Variants in NEIL1 observed in about 807,000 individuals in gnomAD.
NEIL1 encodes nei like DNA glycosylase 1.
NEIL1 carries 31 observed loss-of-function variants against 44.2 expected under a neutral mutation model. That is an observed-to-expected ratio of 0.70 (90% CI 0.53 to 0.95). NEIL1 has a LOEUF of 0.95. Among genes scored for constraint, NEIL1 ranks in the 40% least tolerant of loss-of-function variants. The pLI is 0.00. For synonymous variants in NEIL1, 254 were observed against 209.7 expected, an observed-to-expected ratio of 1.21 and a Z score of -1.83; for missense variants, 549 against 515.5, an observed-to-expected ratio of 1.07 and a Z score of -0.63.
At chr15:75,348,397 C>CAAAA in intron 1 of NEIL1, 1 of 986,814 alleles carries the variant, frequency 1.0e-6, no homozygotes, top group Non-Finnish European at 1.2e-6. Context: ...GAGGGGCGGC[C>CAAAA]ACGCGATCCT....
rs994437372 is a variant in NEIL1 at position 75,352,911 on chromosome 15, G to T, written c.718+210G>T. 1.0e-4 allele frequency: 53 copies of T among 515,304 alleles called. 1 individual carries two copies. The South Asian group carries it at 1.0e-3, about 10-fold the overall frequency. The allele number at this position is 515,304 out of a possible 1,614,324, so 31.9% of individuals were successfully genotyped here. On this transcript the variant is annotated intron_variant, in intron 5 of 9. Transcript: ENST00000355059. ...TCCCAGCACTTCGGGAGGCCGAGTG[G>T]GGTGGCTCACCTGAGGTCAGGAGTT...
In NEIL1 at chr15:75,353,784, C is replaced by T; in HGVS notation, c.764C>T (p.Ala255Val). The T allele has an allele frequency of 1.2e-6, 2 of 1,614,100 alleles. No individual in the cohort carries two copies. The highest frequency in any genetic ancestry group is 2.2e-5 in the South Asian group (2 of 91,076). ...GSESGEEDFA[A>V]FRAWLRCYGM... ...GAGAGCGGGGAGGAGGACTTTGCTG[C>T]CTTTCGAGCCTGGCTGCGCTGCTAT... Residue 255 changes from alanine to valine, a missense_variant, in exon 6 of 10, where the codon GCC becomes GTC. Ala to Val is a moderately conservative substitution (Grantham distance 64). Transcript: ENST00000355059.
In NEIL1 at chr15:75,356,697, AGGGCGCGTAGGGG is replaced by A; in HGVS notation, c.*1664_*1676del. ...TAGGCGCCCGCAAGCTGGGGTGAGG[AGGGCGCGTAGGGG>A]CCACGCTGAAGCTGTTGGAGTTGTG... On this transcript the variant is annotated 3_prime_UTR_variant, in exon 10 of 10. Coordinates refer to ENST00000355059, the MANE Select transcript of NEIL1 (RefSeq NM_024608.4). This position sits in a 1 kb window ranked among gnomAD's most constrained non-coding sequence, Gnocchi z 5.8. The A allele has an allele frequency of 6.2e-7, 1 of 1,604,418 alleles. No individual in the cohort carries two copies. Among genetic ancestry groups the A allele is most frequent in the Non-Finnish European group, 8.5e-7 (1 of 1,175,884 alleles).
At position 75,355,277 on chromosome 15, in the gene NEIL1, C is replaced by T. The variant is rs1160314200; in HGVS notation, c.*243C>T. The T allele has an allele frequency of 1.4e-5, 7 of 490,522 alleles. No individual in the cohort carries two copies. The East Asian group carries it at 2.3e-4, about 16-fold the overall frequency. 30.4% of individuals were successfully genotyped at this position (490,522 alleles called of 1,614,324 possible). Reference sequence around the variant, plus strand: ...TTGGCACCTCTTGGTCTGAGATGGCCAGGTAGGAAGGGCCTGCTGTCCGGT... The same window carrying T: ...TTGGCACCTCTTGGTCTGAGATGGCTAGGTAGGAAGGGCCTGCTGTCCGGT... On this transcript the variant is annotated 3_prime_UTR_variant, in exon 10 of 10. Coordinates refer to ENST00000355059, the MANE Select transcript of NEIL1 (RefSeq NM_024608.4).
rs1035271555 is a variant in NEIL1, at chr15:75,352,627, A to C, written c.644A>C (p.Lys215Thr). ...AGCCCGGAGCTGACCCTGAGCCAGA[A>C]GATAAGGACCAAGCTGCAGAATCCA... ...RPSPELTLSQKIRTKLQNPDL... is the reference protein window; with the variant it reads ...RPSPELTLSQTIRTKLQNPDL... Residue 215 changes from lysine to threonine, a missense_variant, in exon 5 of 10, where the codon AAG becomes ACG. Coordinates refer to ENST00000355059, the MANE Select transcript of NEIL1 (RefSeq NM_024608.4). 6.2e-7 allele frequency: 1 copy of C among 1,613,516 alleles called. No homozygotes were observed. The highest frequency in any genetic ancestry group is 1.3e-5 in the African/African-American group (1 of 75,040).
chr15:75,355,738 T>TACCACCCCC lies in NEIL1; in HGVS notation c.*704_*705insACCACCCCC. On this transcript the variant is annotated 3_prime_UTR_variant, in exon 10 of 10. Transcript: ENST00000355059. ...CTGGGAAGCCATCCCACCCCAGACT[T>TACCACCCCC]CCCACCCCCACCCCAAGCGTGAGGA... 1.6e-6 allele frequency: 1 copy of TACCACCCCC among 634,994 alleles called. No homozygotes were observed. Among genetic ancestry groups the TACCACCCCC allele is most frequent in the Non-Finnish European group, 2.5e-6 (1 of 394,140 alleles). 39.3% of individuals were successfully genotyped at this position (634,994 alleles called of 1,614,324 possible). A position where few individuals can be genotyped will look rare whatever the true frequency, so the allele number is the denominator to read the frequency against.
chr15:75,356,883 A>G lies in NEIL1; in HGVS notation c.*1849A>G. 6.2e-7 allele frequency: 1 copy of G among 1,614,054 alleles called. No homozygotes were observed. The highest frequency in any genetic ancestry group is 2.2e-5 in the East Asian group (1 of 44,872). On this transcript the variant is annotated 3_prime_UTR_variant, in exon 10 of 10. Coordinates refer to ENST00000355059, the MANE Select transcript of NEIL1 (RefSeq NM_024608.4). The surrounding 1 kb of genome is among the most constrained non-coding windows in gnomAD (Gnocchi z 5.8). ...CCCAAAGCCGTGTTCTGACAGATCCATCCAGCGATGGGCCCACACCTGGAG... is the reference window on the plus strand; with the variant it reads ...CCCAAAGCCGTGTTCTGACAGATCCGTCCAGCGATGGGCCCACACCTGGAG...
Position 75,356,757 on chromosome 15 carries a change from A to G in NEIL1, c.*1723A>G. 1 of 1,613,358 alleles carries G rather than the reference A, an allele frequency of 6.2e-7. No individual in the cohort carries two copies. Among genetic ancestry groups the G allele is most frequent in the Non-Finnish European group, 8.5e-7 (1 of 1,179,536 alleles). On this transcript the variant is annotated 3_prime_UTR_variant, in exon 10 of 10. Transcript: ENST00000355059. This position sits in a 1 kb window ranked among gnomAD's most constrained non-coding sequence, Gnocchi z 5.8. ...TGTGGTCGGGAAGACCCATTTCTCC[A>G]TGCCAGCTCCCAGGCCTGGTGGGTA...
rs143233514 is a variant in NEIL1, at chr15:75,353,966, G to A, written c.846+100G>A. 1.0e-5 allele frequency: 15 copies of A among 1,484,642 alleles called. No homozygotes were observed. The African/African-American group carries it at 2.1e-4, about 20-fold the overall frequency. The allele number at this position is 1,484,642 out of a possible 1,614,324, so 92.0% of individuals were successfully genotyped here. A position where few individuals can be genotyped will look rare whatever the true frequency, so the allele number is the denominator to read the frequency against. On this transcript the variant is annotated intron_variant, in intron 6 of 9. Coordinates refer to ENST00000355059, the MANE Select transcript of NEIL1 (RefSeq NM_024608.4). ...GGTGGTGATGCTCAGGGTCTGTCTAGACCCTCCAAGGACCACACTGTTCCT... is the reference window on the plus strand; with the variant it reads ...GGTGGTGATGCTCAGGGTCTGTCTAAACCCTCCAAGGACCACACTGTTCCT...
rs909487065 is a variant in NEIL1 at position 75,356,553 on chromosome 15, G to A, written c.*1519G>A. 5.2e-6 allele frequency: 8 copies of A among 1,549,736 alleles called. No homozygotes were observed. The African/African-American group carries it at 9.5e-5, about 18-fold the overall frequency. On this transcript the variant is annotated 3_prime_UTR_variant, in exon 10 of 10. Coordinates refer to ENST00000355059, the MANE Select transcript of NEIL1 (RefSeq NM_024608.4). This position sits in a 1 kb window ranked among gnomAD's most constrained non-coding sequence, Gnocchi z 5.8. ...GTTGCTGGGGTTTGGGCTCAGGGAA[G>A]GGCAGAGAGGTGTCTAGGGCTGCAG...
In NEIL1 at chr15:75,348,984, G is replaced by A. The variant is rs1289256947; in HGVS notation, c.79G>A (p.Val27Met). The A allele has an allele frequency of 2.5e-6, 4 of 1,613,640 alleles. No individual in the cohort carries two copies. The highest frequency in any genetic ancestry group is 3.4e-6 in the Non-Finnish European group (4 of 1,179,994). The change falls in exon 2 of 10, where the codon GTG (valine) becomes ATG (methionine). Residue 27 changes from valine (V) to methionine (M), a missense_variant. Val to Met is a conservative substitution (Grantham distance 21, BLOSUM62 1). Transcript: ENST00000355059. ...CAGGGCGCTGGTGTTCGGCGGCTGCGTGGAGAAGTCCTCTGTCAGCCGCAA... is the reference window on the plus strand; with the variant it reads ...CAGGGCGCTGGTGTTCGGCGGCTGCATGGAGAAGTCCTCTGTCAGCCGCAA... ...ACRALVFGGC[V>M]EKSSVSRNPE...
In NEIL1 at chr15:75,355,068, T is replaced by G; in HGVS notation, c.*34T>G. 6.3e-7 allele frequency: 1 copy of G among 1,598,122 alleles called. No individual in the cohort carries two copies. Among genetic ancestry groups the G allele is most frequent in the South Asian group, 1.1e-5 (1 of 89,704 alleles). Reference sequence around the variant, plus strand: ...TCTCCTTGCTTGCACTCACCCTTTCTTATTGTCTTGCCCTGCATCTGGGGG... The same window carrying G: ...TCTCCTTGCTTGCACTCACCCTTTCGTATTGTCTTGCCCTGCATCTGGGGG... On this transcript the variant is annotated 3_prime_UTR_variant, in exon 10 of 10. Coordinates refer to ENST00000355059, the MANE Select transcript of NEIL1 (RefSeq NM_024608.4).
intron 2 of NEIL1, chr15:75,351,274 CTTTT>C (rs11422837): frequency 1.3e-3 from 450 of 357,494 alleles, no homozygotes; most frequent in East Asian, 4.2e-3. Context: ...CCTCATGTTG[CTTTT>C]TTTTTTTTTT....
chr15:75,348,401 C>G (rs1014524702), intron 1 of NEIL1: 2 of 989,256 alleles, frequency 2.0e-6, no homozygotes, highest in Non-Finnish European at 1.2e-6. Flanking sequence ...GGCGGCCACG[C>G]GATCCTAAGA....
At position 75,349,014 on chromosome 15, in the gene NEIL1, G is replaced by C; in HGVS notation, c.109G>C (p.Glu37Gln). 6.2e-7 allele frequency: 1 copy of C among 1,613,792 alleles called. No homozygotes were observed. The highest frequency in any genetic ancestry group is 1.1e-5 in the South Asian group (1 of 91,086). The change falls in exon 2 of 10, where the codon GAG becomes CAG. Residue 37 changes from glutamate (E) to glutamine (Q), a missense_variant. Glu to Gln is a conservative substitution (Grantham distance 29). Coordinates refer to ENST00000355059, the MANE Select transcript of NEIL1 (RefSeq NM_024608.4). ...GAAGTCCTCTGTCAGCCGCAACCCT[G>C]AGGTGCCCTTTGAGAGCAGTGCCTA... is the stretch of plus-strand genomic sequence containing the variant. ...VEKSSVSRNP[E>Q]VPFESSAYRI...
chr15:75,352,735 G>C, intron 5 of NEIL1, 34 bp downstream of exon 5: 1 of 1,532,886 alleles, frequency 6.5e-7, no homozygotes, highest in South Asian at 1.2e-5. Flanking sequence ...CTCTGCTTCA[G>C]CAAATGATTG....
chr15:75,355,097 G>C lies in NEIL1; in HGVS notation c.*63G>C, dbSNP rs2072252090. 2 of 1,456,294 alleles carry C rather than the reference G, an allele frequency of 1.4e-6. No homozygotes were observed. The highest frequency in any genetic ancestry group is 1.9e-6 in the Non-Finnish European group (2 of 1,055,802). The allele number at this position is 1,456,294 out of a possible 1,614,324, so 90.2% of individuals were successfully genotyped here. On this transcript the variant is annotated 3_prime_UTR_variant, in exon 10 of 10. Coordinates refer to ENST00000355059, the MANE Select transcript of NEIL1 (RefSeq NM_024608.4). ...TGTCTTGCCCTGCATCTGGGGGTCTGAATTTTTGGGAGCAGGCAATATCTG... is the reference window on the plus strand; with the variant it reads ...TGTCTTGCCCTGCATCTGGGGGTCTCAATTTTTGGGAGCAGGCAATATCTG...
At chr15:75,354,545 C>T in intron 8 of NEIL1, 53 bp downstream of exon 8, 2 of 1,611,196 alleles carry the variant, frequency 1.2e-6, no homozygotes, top group Non-Finnish European at 8.5e-7. Context: ...CCTGGCTGCC[C>T]CTCCCAGGCA....
At chr15:75,353,949 T>C in intron 6 of NEIL1, 83 bp downstream of exon 6, 1 of 1,559,520 alleles carries the variant, frequency 6.4e-7, no homozygotes, top group South Asian at 1.1e-5. Context: ...GGGGTGGTGA[T>C]GCTCAGGGTC....
Sources: gnomAD v4.1 joint callset for allele counts on GRCh38, gnomAD v4.1.1 for gene constraint, Gnocchi (gnomAD v3.1) non-coding constraint, MANE v1.5 for transcripts, NCBI Gene and HGNC (gene_info 2026-07-23, HGNC 2026-07-21) for gene names.